Variants in EYA2 observed in about 807,000 individuals in gnomAD.
EYA2 encodes protein phosphatase EYA2.
Under a neutral mutation model 69.2 loss-of-function variants are expected in EYA2, and 31 were observed. The observed-to-expected ratio is 0.45, with a 90% CI of 0.34 to 0.60. The LOEUF is 0.60. Among genes scored for constraint, EYA2 ranks in the 20% least tolerant of loss-of-function variants. The pLI, the probability that EYA2 is intolerant of heterozygous loss-of-function variation, is 0.02. For missense variants in EYA2, 622 were observed against 701.2 expected, an observed-to-expected ratio of 0.89 and a Z score of 1.28; for synonymous variants, 257 against 279.4, an observed-to-expected ratio of 0.92 and a Z score of 0.80.
chr20:47,126,630 A>G (rs2033198971), intron 9 of EYA2, among the ~76,000 whole-genome samples: 1 of 152,208 alleles, frequency 6.6e-6, no homozygotes, highest in East Asian at 1.9e-4. Flanking sequence ...TTCATTAACA[A>G]GTTAGAAAGT....
At chr20:47,071,166 C>T (rs535489524) in intron 5 of EYA2, among the ~76,000 whole-genome samples, 31 of 152,088 alleles carry the variant, frequency 2.0e-4, no homozygotes, top group Non-Finnish European at 3.2e-4. Flanking sequence ...CACACCACCA[C>T]GCCTGGCTAA....
At chr20:46,970,738 AG>A (rs1980087744) in intron 1 of EYA2, among the ~76,000 whole-genome samples, 1 of 152,198 alleles carries the variant, frequency 6.6e-6, no homozygotes, top group South Asian at 2.1e-4. Flanking sequence ...AAAACTGTCC[AG>A]GATGTATTTT....
intron 1 of EYA2, among the ~76,000 whole-genome samples, chr20:46,977,318 T>C (rs1443132283): frequency 1.3e-5 from 2 of 152,228 alleles, no homozygotes; most frequent in African/African-American, 4.8e-5. Flanking sequence ...TAACCAAAAT[T>C]CTATTTTAAA....
At chr20:47,121,927 C>T (rs1206262253) in intron 9 of EYA2, among the ~76,000 whole-genome samples, 2 of 152,196 alleles carry the variant, frequency 1.3e-5, no homozygotes, top group South Asian at 2.1e-4. Context: ...AACCCCAGCT[C>T]CTTCCTCGGC....
chr20:47,091,105 C>T (rs2032071098), intron 8 of EYA2, among the ~76,000 whole-genome samples: 1 of 152,134 alleles, frequency 6.6e-6, no homozygotes, highest in South Asian at 2.1e-4. Context: ...CTCAAACACA[C>T]TGAGAAAGAT....
At chr20:47,187,144 G>A (rs879815079) in intron 15 of EYA2, among the ~76,000 whole-genome samples, 1 of 152,116 alleles carries the variant, frequency 6.6e-6, no homozygotes, top group Admixed American at 6.6e-5. Flanking sequence ...TGAGGTGGGT[G>A]GATCGCTTGA....
At chr20:47,089,776 C>T (rs2032016874) in intron 8 of EYA2, among the ~76,000 whole-genome samples, 1 of 152,164 alleles carries the variant, frequency 6.6e-6, no homozygotes, top group African/African-American at 2.4e-5. Context: ...AAGAATGGGC[C>T]TCCGACCTTC....
intron 6 of EYA2, among the ~76,000 whole-genome samples, chr20:47,073,159 C>T (rs2031378546): frequency 6.6e-6 from 1 of 152,154 alleles, no homozygotes; most frequent in Non-Finnish European, 1.5e-5. Flanking sequence ...ACTCTGACTC[C>T]CAGCTCTGGG....
chr20:47,182,544 G>A (rs539942785), intron 14 of EYA2, among the ~76,000 whole-genome samples: 89 of 149,684 alleles, frequency 5.9e-4, no homozygotes, highest in African/African-American at 2.1e-3. Context: ...TAGGAGAGTC[G>A]CTTGAACCCA....
intron 5 of EYA2, among the ~76,000 whole-genome samples, chr20:47,055,318 G>A (rs561262958): frequency 3.3e-5 from 5 of 152,328 alleles, no homozygotes; most frequent in African/African-American, 1.2e-4. Context: ...TACCATTCCC[G>A]AGGAGATCCT....
At chr20:47,096,327 T>G (rs1254217869) in intron 8 of EYA2, among the ~76,000 whole-genome samples, 8 of 152,206 alleles carry the variant, frequency 5.3e-5, no homozygotes, top group Admixed American at 5.2e-4. Context: ...AAAATTGACA[T>G]AGGCAGAGTG....
intron 1 of EYA2, among the ~76,000 whole-genome samples, chr20:46,942,061 C>T (rs899661541): frequency 2.6e-5 from 4 of 152,276 alleles, no homozygotes; most frequent in Middle Eastern, 6.8e-3. Context: ...CTGGCCTAGA[C>T]GTGGGTTCTG....
chr20:47,054,378 T>C (rs1397861586), intron 5 of EYA2, among the ~76,000 whole-genome samples: 1 of 152,254 alleles, frequency 6.6e-6, no homozygotes, highest in Non-Finnish European at 1.5e-5. Flanking sequence ...GAAATTCATA[T>C]ACTGTCAGCG....
chr20:46,931,028 A>G (rs1985646572), intron 1 of EYA2, among the ~76,000 whole-genome samples: 1 of 152,228 alleles, frequency 6.6e-6, no homozygotes, highest in Non-Finnish European at 1.5e-5. Context: ...GTCTCCACAC[A>G]TTGTCAGGTG....
chr20:46,949,306 A>G (rs1978659268), intron 1 of EYA2, among the ~76,000 whole-genome samples: 1 of 152,234 alleles, frequency 6.6e-6, no homozygotes, highest in African/African-American at 2.4e-5. Flanking sequence ...GAAAATCTGA[A>G]GTTAACAGTG....
rs940611083 is a variant in EYA2, at chr20:47,035,773, G to A, written c.415+19476G>A. ...GCTGATACCTGTAACTTTGGGAAAC[G>A]GAGGCAGGAGGACTCCTTGAGACTA... On this transcript the variant is annotated intron_variant, in intron 5 of 15. Coordinates refer to ENST00000327619, the MANE Select transcript of EYA2 (RefSeq NM_005244.5). Among the ~76,000 whole-genome samples, 6 of 152,006 alleles carry A rather than the reference G, an allele frequency of 3.9e-5. No individual in the cohort carries two copies. The East Asian group carries it at 9.7e-4, about 25-fold the overall frequency.
At chr20:47,055,638 C>T (rs917812136) in intron 5 of EYA2, among the ~76,000 whole-genome samples, 2 of 152,116 alleles carry the variant, frequency 1.3e-5, no homozygotes, top group African/African-American at 4.8e-5. Flanking sequence ...AGATCCTTAC[C>T]CCTCAGGGTC....
intron 1 of EYA2, among the ~76,000 whole-genome samples, chr20:46,908,774 A>G (rs1446548164): frequency 6.7e-6 from 1 of 148,796 alleles, no homozygotes; most frequent in Non-Finnish European, 1.5e-5. Flanking sequence ...CCAGAAATAT[A>G]CCTCCAGGCT....
At chr20:47,085,816 T>C (rs1208442041) in intron 7 of EYA2, among the ~76,000 whole-genome samples, 2 of 152,122 alleles carry the variant, frequency 1.3e-5, no homozygotes, top group Non-Finnish European at 2.9e-5. Context: ...AGAAAGCAGT[T>C]TAGTGGTTTT....
Sources: gnomAD v4.1 joint callset for allele counts (sites outside exome capture counted in the v4.1 genomes callset) on GRCh38, gnomAD v4.1.1 for gene constraint, MANE v1.5 for transcripts, NCBI Gene and HGNC (gene_info 2026-07-23, HGNC 2026-07-21) for gene names.